The following PRR11 variants were observed in gnomAD, a reference collection of about 807,000 sequenced individuals.
The protein encoded by PRR11 is proline-rich protein 11.
A neutral mutation model predicts 45.6 loss-of-function variants in PRR11; 30 were observed. The observed-to-expected ratio is 0.66, with a 90% confidence interval of 0.49 to 0.89. The LOEUF (loss-of-function observed/expected upper bound fraction) is 0.89. PRR11 is among the 40% of genes least tolerant of loss of function. The pLI, the probability that PRR11 is intolerant of heterozygous loss-of-function variation, is 0.00. For synonymous variants in PRR11, 128 were observed against 153.5 expected, an observed-to-expected ratio of 0.83 and a Z score of 1.23; for missense variants, 373 against 424.8, an observed-to-expected ratio of 0.88 and a Z score of 1.07.
intron 2 of PRR11, among the ~76,000 whole-genome samples, chr17:59,175,384 G>C (rs1315740729): frequency 6.6e-6 from 1 of 152,222 alleles, no homozygotes; most frequent in African/African-American, 2.4e-5. Context: ...CAGCACATTG[G>C]GAGGCTGAGG....
chr17:59,166,334 C>T (rs950564059), intron 1 of PRR11, among the ~76,000 whole-genome samples: 1 of 152,210 alleles, frequency 6.6e-6, no homozygotes, highest in African/African-American at 2.4e-5. Context: ...TGAATAACAA[C>T]ATCTTTGTTC....
At chr17:59,175,514 C>A (rs900160559) in intron 2 of PRR11, among the ~76,000 whole-genome samples, 5 of 152,146 alleles carry the variant, frequency 3.3e-5, no homozygotes, top group African/African-American at 1.2e-4. Flanking sequence ...GTAATCCCAG[C>A]AATTTGGGAG....
At position 59,180,000 on chromosome 17, in the gene PRR11, C is replaced by T. The variant is rs2046772390; in HGVS notation, c.129-5054C>T. On this transcript the variant is annotated intron_variant, in intron 2 of 9. Transcript: ENST00000262293. ...CTCGCAGACTGCTGGCTTCTCCAAG[C>T]CATCTTTCCGTCTTTCTCCTTTGCT... 4 of 1,041,348 alleles carry T rather than the reference C, an allele frequency of 3.8e-6. No individual in the cohort carries two copies. In the African/African-American group the frequency reaches 6.3e-5, roughly 16 times the overall value. The allele number at this position is 1,041,348 out of a possible 1,614,324, so 64.5% of individuals were successfully genotyped here. A position where few individuals can be genotyped will look rare whatever the true frequency, so the allele number is the denominator to read the frequency against.
At chr17:59,157,315 CAA>C (rs2046630478) in intron 1 of PRR11, among the ~76,000 whole-genome samples, 1 of 151,998 alleles carries the variant, frequency 6.6e-6, no homozygotes, top group Non-Finnish European at 1.5e-5. Flanking sequence ...AACATACAAG[CAA>C]AAATTACAAT....
At position 59,203,041 on chromosome 17, in the gene PRR11, T is replaced by TAAAAAGC. The variant is rs2046900135; in HGVS notation, c.*1413_*1419dup. The TAAAAAGC allele has an allele frequency of 6.6e-6, 1 of 152,036 alleles. No individual in the cohort carries two copies. The highest frequency in any genetic ancestry group is 2.4e-5 in the African/African-American group (1 of 41,422). 9.4% of individuals were successfully genotyped at this position (152,036 alleles called of 1,614,324 possible). A position where few individuals can be genotyped will look rare whatever the true frequency, so the allele number is the denominator to read the frequency against. On this transcript the variant is annotated 3_prime_UTR_variant, in exon 10 of 10. Coordinates refer to ENST00000262293, the MANE Select transcript of PRR11 (RefSeq NM_018304.4). ...AGAGCAAGAACTCATCTCTAAAAAG[T>TAAAAAGC]AAAAAGCAACTCCCCAGAAAGACTG...
chr17:59,179,479 T>C (rs2046768693), intron 2 of PRR11, among the ~76,000 whole-genome samples: 1 of 152,144 alleles, frequency 6.6e-6, no homozygotes, highest in Non-Finnish European at 1.5e-5. Flanking sequence ...CTAATCCTAA[T>C]CTTCTATCAT....
intron 2 of PRR11, among the ~76,000 whole-genome samples, chr17:59,173,718 A>C (rs1397722768): frequency 6.6e-6 from 1 of 152,160 alleles, no homozygotes; most frequent in African/African-American, 2.4e-5. Context: ...TGAAACCAAG[A>C]ACCCACCAAT....
In PRR11 at chr17:59,202,775, A is replaced by C. The variant is rs1940316913; in HGVS notation, c.*1144A>C. On this transcript the variant is annotated 3_prime_UTR_variant, in exon 10 of 10. Transcript: ENST00000262293. ...GAATCTCTGAAGTCCATAGCAGGTC[A>C]CTGTGAGACCTAGTTCCCTGTTGTC... 6.6e-6 allele frequency: 1 copy of C among 152,218 alleles called. No homozygotes were observed. The highest frequency in any genetic ancestry group is 2.4e-5 in the African/African-American group (1 of 41,464). The allele number at this position is 152,218 out of a possible 1,614,324, so 9.4% of individuals were successfully genotyped here.
chr17:59,164,493 C>G (rs2046669486), intron 1 of PRR11, among the ~76,000 whole-genome samples: 1 of 151,978 alleles, frequency 6.6e-6, no homozygotes, highest in Non-Finnish European at 1.5e-5. Flanking sequence ...AGTTTAAGAC[C>G]AGCCTGGGCA....
At position 59,176,278 on chromosome 17, in the gene PRR11, T is replaced by G. The variant is rs76676891; in HGVS notation, c.128+6398T>G. Among the ~76,000 whole-genome samples, 1,457 of 152,180 alleles carry G rather than the reference T, an allele frequency of 9.6e-3. 16 individuals carry two copies. Among genetic ancestry groups the G allele is most frequent in the Non-Finnish European group, 0.015 (1,006 of 67,988 alleles). On this transcript the variant is annotated intron_variant, in intron 2 of 9. Transcript: ENST00000262293. The stretch of plus-strand genomic sequence containing the variant: ...GTAGAGATTATAGAGAGGGTGGAAT[T>G]TGCACTGTGGACCCTGGCCTCAATT...
rs907255883 is a variant in PRR11, at chr17:59,204,007, C to G, written c.*2376C>G. The G allele has an allele frequency of 6.6e-6, 1 of 151,508 alleles. No individual in the cohort carries two copies. Among genetic ancestry groups the G allele is most frequent in the Non-Finnish European group, 1.5e-5 (1 of 67,912 alleles). 9.4% of individuals were successfully genotyped at this position (151,508 alleles called of 1,614,324 possible). On this transcript the variant is annotated 3_prime_UTR_variant, in exon 10 of 10. Coordinates refer to ENST00000262293, the MANE Select transcript of PRR11 (RefSeq NM_018304.4). ...TTTATAACAATAATATTTTATGGGG[C>G]GCTTATAATGTTTATAATATTGTAA...
intron 1 of PRR11, among the ~76,000 whole-genome samples, chr17:59,157,104 T>C (rs1288419241): frequency 6.6e-6 from 1 of 152,226 alleles, no homozygotes; most frequent in Admixed American, 6.5e-5. Context: ...AAAACCTCCC[T>C]AACCAAGAGA....
intron 2 of PRR11, among the ~76,000 whole-genome samples, chr17:59,184,017 A>C (rs1428033974): frequency 6.6e-6 from 1 of 152,126 alleles, no homozygotes; most frequent in Non-Finnish European, 1.5e-5. Flanking sequence ...CGACAGGAAG[A>C]TCGCTTGAGC....
At chr17:59,193,245 G>A (rs1302508313) in intron 4 of PRR11, among the ~76,000 whole-genome samples, 2 of 152,030 alleles carry the variant, frequency 1.3e-5, no homozygotes, top group African/African-American at 4.8e-5. Flanking sequence ...TTCTGTCACC[G>A]AACTGTCAGC....
chr17:59,193,792 G>C (rs1270238307), intron 5 of PRR11, 58 bp downstream of exon 5: 5 of 1,557,250 alleles, frequency 3.2e-6, no homozygotes, highest in Non-Finnish European at 4.4e-6. Context: ...GTGTAATATA[G>C]GAGTAAAGCC....
chr17:59,161,701 A>G (rs1372828263), intron 1 of PRR11, among the ~76,000 whole-genome samples: 1 of 152,182 alleles, frequency 6.6e-6, no homozygotes. Context: ...GAGAGCTGAG[A>G]TCACACCACT....
chr17:59,202,851 A>T lies in PRR11; in HGVS notation c.*1220A>T, dbSNP rs958240590. The T allele has an allele frequency of 2.0e-5, 3 of 152,094 alleles. No individual in the cohort carries two copies. The highest frequency in any genetic ancestry group is 7.2e-5 in the African/African-American group (3 of 41,416). The allele number at this position is 152,094 out of a possible 1,614,324, so 9.4% of individuals were successfully genotyped here. The stretch of plus-strand genomic sequence containing the variant: ...AATACAGCCTGGGAAACATAGCGAG[A>T]CCCTGTCTCTATCAAAAATTTAAAA... On this transcript the variant is annotated 3_prime_UTR_variant, in exon 10 of 10. Transcript: ENST00000262293.
intron 7 of PRR11, among the ~76,000 whole-genome samples, chr17:59,196,313 C>T (rs1028822779): frequency 6.6e-6 from 1 of 152,018 alleles, no homozygotes; most frequent in Non-Finnish European, 1.5e-5. Context: ...TGCTTGATTC[C>T]AAGACACACT....
At position 59,206,169 on chromosome 17, in the gene PRR11, C is replaced by G. The variant is rs2046917318; in HGVS notation, c.*4538C>G. Among the ~76,000 whole-genome samples the G allele has an allele frequency of 6.6e-6, 1 of 152,106 alleles. No individual in the cohort carries two copies. Among genetic ancestry groups the G allele is most frequent in the South Asian group, 2.1e-4 (1 of 4,828 alleles). On this transcript the variant is annotated 3_prime_UTR_variant, in exon 10 of 10. Coordinates refer to ENST00000262293, the MANE Select transcript of PRR11 (RefSeq NM_018304.4). ...TTCGCTTGAGGCCAAGAGTTCAAAA[C>G]AAGCCTGGGCAACACTGCAAGACCC... is the stretch of plus-strand genomic sequence containing the variant.
Sources: allele counts gnomAD v4.1 joint callset (sites outside exome capture counted in the v4.1 genomes callset), GRCh38; gene constraint gnomAD v4.1.1; transcripts MANE v1.5; gene names NCBI Gene and HGNC (gene_info 2026-07-23, HGNC 2026-07-21).